Variants in LSAMP observed in about 807,000 individuals in gnomAD.
The protein encoded by LSAMP is limbic system-associated membrane protein.
A neutral mutation model predicts 38.6 loss-of-function variants in LSAMP; 7 were observed. The observed-to-expected ratio is 0.18, with a 90% CI of 0.10 to 0.34. The LOEUF (loss-of-function observed/expected upper bound fraction) is 0.34. Ranked by LOEUF, LSAMP falls within the 10% of genes least tolerant of loss-of-function variation. The pLI, the probability that LSAMP is intolerant of heterozygous loss-of-function variation, is 1.00. For missense variants in LSAMP, 313 were observed against 420.0 expected, an observed-to-expected ratio of 0.75 and a Z score of 2.23; for synonymous variants, 154 against 166.8, an observed-to-expected ratio of 0.92 and a Z score of 0.59.
intron 1 of LSAMP, among the ~76,000 whole-genome samples, chr3:116,310,287 T>A (rs1368469264): frequency 6.6e-6 from 1 of 152,102 alleles, no homozygotes; most frequent in Non-Finnish European, 1.5e-5. Flanking sequence ...ACAAGAGAAG[T>A]CACACAACTC....
At chr3:116,238,388 G>A (rs1183563959) in intron 1 of LSAMP, among the ~76,000 whole-genome samples, 2 of 152,086 alleles carry the variant, frequency 1.3e-5, no homozygotes, top group South Asian at 2.1e-4. Context: ...AATAGCTGCC[G>A]TTTTGAAAAC....
chr3:116,330,614 G>C (rs989572328), intron 1 of LSAMP, among the ~76,000 whole-genome samples: 2 of 151,056 alleles, frequency 1.3e-5, no homozygotes, highest in Non-Finnish European at 2.9e-5. Flanking sequence ...TTAATAACTA[G>C]CACATTCAAA....
At chr3:116,282,256 C>A (rs1199623678) in intron 1 of LSAMP, among the ~76,000 whole-genome samples, 1 of 152,086 alleles carries the variant, frequency 6.6e-6, no homozygotes, top group Admixed American at 6.5e-5. Context: ...TGATTTCCCT[C>A]AACCCCAGTT....
At chr3:116,431,943 G>C (rs192153894) in intron 1 of LSAMP, among the ~76,000 whole-genome samples, 212 of 151,952 alleles carry the variant, frequency 1.4e-3, no homozygotes, top group Non-Finnish European at 2.6e-3. Context: ...TCCTATAATA[G>C]CAAATAGAAA....
chr3:116,341,359 G>A (rs544624863), intron 1 of LSAMP, among the ~76,000 whole-genome samples: 1 of 151,826 alleles, frequency 6.6e-6, no homozygotes, highest in Non-Finnish European at 1.5e-5. Context: ...CCTGGAAGAA[G>A]GATTATTTTC....
At chr3:116,180,230 A>T (rs960007241) in intron 1 of LSAMP, among the ~76,000 whole-genome samples, 6 of 152,172 alleles carry the variant, frequency 3.9e-5, no homozygotes, top group African/African-American at 1.4e-4. Context: ...CTTAGAGTTC[A>T]ACTGAGGCAA....
intron 6 of LSAMP, among the ~76,000 whole-genome samples, chr3:115,819,659 C>T (rs959705284): frequency 6.6e-6 from 1 of 152,112 alleles, no homozygotes; most frequent in African/African-American, 2.4e-5. Context: ...CTCTGTGAAG[C>T]TAATATCAGA....
chr3:115,863,912 A>G (rs1935784192), intron 3 of LSAMP, among the ~76,000 whole-genome samples: 1 of 152,194 alleles, frequency 6.6e-6, no homozygotes, highest in African/African-American at 2.4e-5. Context: ...TAGGAAAATT[A>G]GACACCAATT....
At chr3:116,066,322 G>T (rs1321637140) in intron 2 of LSAMP, among the ~76,000 whole-genome samples, 1 of 152,296 alleles carries the variant, frequency 6.6e-6, no homozygotes, top group South Asian at 2.1e-4. Flanking sequence ...ACTGAATTTA[G>T]CAAGGACATA....
chr3:116,291,111 G>C (rs1365160675), intron 1 of LSAMP, among the ~76,000 whole-genome samples: 1 of 152,146 alleles, frequency 6.6e-6, no homozygotes, highest in Non-Finnish European at 1.5e-5. Context: ...TACTGGGCTT[G>C]TTCCTCTTTG....
At chr3:116,064,054 C>T (rs1016599942) in intron 2 of LSAMP, among the ~76,000 whole-genome samples, 2 of 152,174 alleles carry the variant, frequency 1.3e-5, no homozygotes, top group Non-Finnish European at 2.9e-5. Context: ...GGTTTGGTCT[C>T]AGAAGAGAGT....
At chr3:116,441,840 C>A (rs1411153571) in intron 1 of LSAMP, among the ~76,000 whole-genome samples, 1 of 152,170 alleles carries the variant, frequency 6.6e-6, no homozygotes, top group African/African-American at 2.4e-5. Context: ...TTAGGGAGGA[C>A]CGCCAAGGCT....
intron 1 of LSAMP, among the ~76,000 whole-genome samples, chr3:116,358,902 T>C (rs1302386443): frequency 1.3e-5 from 2 of 152,246 alleles, no homozygotes; most frequent in Non-Finnish European, 2.9e-5. Context: ...TTTGTAATAA[T>C]ATAGAGTACA....
intron 1 of LSAMP, among the ~76,000 whole-genome samples, chr3:116,262,616 T>C (rs540452220): frequency 2.6e-5 from 4 of 152,272 alleles, no homozygotes; most frequent in Non-Finnish European, 4.4e-5. Context: ...CTTATGGGTG[T>C]ACGTGAAACA....
chr3:116,406,632 A>T (rs1920185), intron 1 of LSAMP, among the ~76,000 whole-genome samples: 1 of 151,958 alleles, frequency 6.6e-6, no homozygotes, highest in Non-Finnish European at 1.5e-5. Context: ...GTAGAAAATG[A>T]TTGCTATTGC....
At chr3:116,024,075 T>C (rs940393808) in intron 2 of LSAMP, among the ~76,000 whole-genome samples, 2 of 152,108 alleles carry the variant, frequency 1.3e-5, no homozygotes, top group Non-Finnish European at 2.9e-5. Flanking sequence ...GGATCCACAA[T>C]GGGTGAAATG....
chr3:115,914,546 T>C (rs571970507), intron 3 of LSAMP, among the ~76,000 whole-genome samples: 16 of 152,344 alleles, frequency 1.1e-4, no homozygotes, highest in African/African-American at 3.6e-4. Flanking sequence ...CCAATCTCTC[T>C]TCCCTATTGC....
chr3:116,319,412 C>T (rs17646294), intron 1 of LSAMP, among the ~76,000 whole-genome samples: 7,892 of 152,102 alleles, frequency 0.052, 273 homozygotes, highest in Non-Finnish European at 0.079. Flanking sequence ...CTTTCTATTC[C>T]GTACCTTAAA....
Position 116,157,784 on chromosome 3 carries a change from G to A in LSAMP, c.156-71228C>T, listed in dbSNP as rs977852152. On this transcript the variant is annotated intron_variant, in intron 1 of 6. Coordinates refer to ENST00000490035, the MANE Select transcript of LSAMP (RefSeq NM_002338.5). ...CAAATTCTACTAGATATATAAAGAA[G>A]AGCTGGCACCATTCCTACTGAAACT... 6.6e-5 allele frequency among the ~76,000 whole-genome samples: 10 copies of A among 151,998 alleles called. No individual in the cohort carries two copies. The East Asian group carries it at 1.9e-3, about 30-fold the overall frequency.
Sources: gnomAD v4.1 joint callset for allele counts (sites outside exome capture counted in the v4.1 genomes callset) on GRCh38, gnomAD v4.1.1 for gene constraint, MANE v1.5 for transcripts, NCBI Gene and HGNC (gene_info 2026-07-23, HGNC 2026-07-21) for gene names.